The following HECW2 variants were observed in gnomAD, a reference collection of about 807,000 sequenced individuals.
HECW2 encodes E3 ubiquitin-protein ligase HECW2.
In HECW2, 61 loss-of-function variants were observed where a neutral mutation model predicts 175.2. The observed-to-expected ratio is 0.35, with a 90% confidence interval of 0.28 to 0.43. The LOEUF is 0.43. Among genes scored for constraint, HECW2 ranks in the 20% least tolerant of loss-of-function variants. HECW2 has a pLI of 1.00. For synonymous variants in HECW2, 671 were observed against 731.0 expected, an observed-to-expected ratio of 0.92 and a Z score of 1.32; for missense variants, 1,524 against 2,000.5, an observed-to-expected ratio of 0.76 and a Z score of 4.54.
At chr2:196,589,229 T>C (rs912634227) in intron 1 of HECW2, among the ~76,000 whole-genome samples, 1 of 152,148 alleles carries the variant, frequency 6.6e-6, no homozygotes, top group African/African-American at 2.4e-5. Context: ...AATTTCTTCT[T>C]ATTTAGACAT....
At chr2:196,434,443 C>T (rs1277499273) in intron 1 of HECW2, among the ~76,000 whole-genome samples, 1 of 152,156 alleles carries the variant, frequency 6.6e-6, no homozygotes, top group East Asian at 1.9e-4. Context: ...AAGGCCTTCC[C>T]TGTTGGAACT....
intron 1 of HECW2, among the ~76,000 whole-genome samples, chr2:196,570,719 T>G (rs1354494594): frequency 6.6e-6 from 1 of 152,212 alleles, no homozygotes; most frequent in Non-Finnish European, 1.5e-5. Flanking sequence ...TAGAAATAAA[T>G]TATTTGCTCA....
At chr2:196,266,015 A>G (rs1486782823) in intron 17 of HECW2, among the ~76,000 whole-genome samples, 2 of 152,098 alleles carry the variant, frequency 1.3e-5, no homozygotes, top group Admixed American at 1.3e-4. Flanking sequence ...AATGACCATT[A>G]CTATGTGGTG....
At chr2:196,483,337 C>G (rs1686905477) in intron 1 of HECW2, among the ~76,000 whole-genome samples, 1 of 152,122 alleles carries the variant, frequency 6.6e-6, no homozygotes, top group Non-Finnish European at 1.5e-5. Flanking sequence ...TTATACAACT[C>G]CTTGAAGAAT....
intron 2 of HECW2, among the ~76,000 whole-genome samples, chr2:196,431,449 G>A (rs1695710130): frequency 6.6e-6 from 1 of 152,090 alleles, no homozygotes; most frequent in Non-Finnish European, 1.5e-5. Flanking sequence ...ATATGAGAAA[G>A]TAAAACTGAT....
chr2:196,450,847 A>T (rs1191250292), intron 1 of HECW2, among the ~76,000 whole-genome samples: 1 of 152,164 alleles, frequency 6.6e-6, no homozygotes, highest in East Asian at 1.9e-4. Context: ...AGAACTGCTG[A>T]CATAAGAAAT....
intron 1 of HECW2, among the ~76,000 whole-genome samples, chr2:196,535,344 A>G (rs1688986473): frequency 1.3e-5 from 2 of 152,226 alleles, no homozygotes; most frequent in South Asian, 4.1e-4. Flanking sequence ...GCGCCACTTC[A>G]AACATAATGT....
intron 1 of HECW2, among the ~76,000 whole-genome samples, chr2:196,568,600 C>A (rs536798898): frequency 1.2e-3 from 179 of 152,246 alleles, no homozygotes; most frequent in African/African-American, 4.2e-3. Flanking sequence ...GGTGTGAAAG[C>A]AACATGCATT....
intron 28 of HECW2, among the ~76,000 whole-genome samples, chr2:196,208,569 GT>G (rs1489977720): frequency 1.3e-5 from 2 of 152,192 alleles, no homozygotes; most frequent in Non-Finnish European, 2.9e-5. Flanking sequence ...GAAGTAAGGG[GT>G]GAAAGAGTGA....
intron 1 of HECW2, among the ~76,000 whole-genome samples, chr2:196,491,295 G>A (rs1350882498): frequency 6.6e-6 from 1 of 150,986 alleles, no homozygotes; most frequent in Non-Finnish European, 1.5e-5. Flanking sequence ...ATCACTTGAG[G>A]CCAGGAGTTC....
At chr2:196,535,939 G>C (rs1260657754) in intron 1 of HECW2, among the ~76,000 whole-genome samples, 1 of 151,932 alleles carries the variant, frequency 6.6e-6, no homozygotes, top group Non-Finnish European at 1.5e-5. Flanking sequence ...TACCTCCAGG[G>C]GGATCACTAG....
intron 1 of HECW2, among the ~76,000 whole-genome samples, chr2:196,545,668 C>T (rs1022984948): frequency 2.0e-5 from 3 of 152,236 alleles, no homozygotes; most frequent in Non-Finnish European, 4.4e-5. Context: ...CATGCTCTTA[C>T]ATTCAATCCG....
intron 17 of HECW2, among the ~76,000 whole-genome samples, chr2:196,270,344 G>C (rs116817884): frequency 6.6e-6 from 1 of 152,192 alleles, no homozygotes; most frequent in Non-Finnish European, 1.5e-5. Context: ...GCTTGCCAGG[G>C]AAGGGGAACA....
At chr2:196,283,216 C>A (rs1487351597) in intron 14 of HECW2, among the ~76,000 whole-genome samples, 3 of 132,482 alleles carry the variant, frequency 2.3e-5, no homozygotes, top group Admixed American at 1.7e-4. Context: ...CAGCAGAGAT[C>A]ACACCACTGC....
At chr2:196,573,166 T>C (rs1002743848) in intron 1 of HECW2, among the ~76,000 whole-genome samples, 2 of 147,082 alleles carry the variant, frequency 1.4e-5, no homozygotes, top group African/African-American at 5.0e-5. Context: ...TATAATTCAG[T>C]AAGAGGGGAA....
intron 2 of HECW2, among the ~76,000 whole-genome samples, chr2:196,432,465 T>G (rs760979675): frequency 5.3e-5 from 8 of 152,262 alleles, no homozygotes; most frequent in Non-Finnish European, 8.8e-5. Flanking sequence ...GTGGCAGACA[T>G]CGTACTTTTT....
chr2:196,248,097 C>A (rs764051807), intron 19 of HECW2, among the ~76,000 whole-genome samples: 21 of 152,204 alleles, frequency 1.4e-4, no homozygotes, highest in Admixed American at 3.3e-4. Context: ...AAAGCACAAG[C>A]ACTGAAAACC....
At chr2:196,378,338 C>CT (rs752934432) in intron 2 of HECW2, among the ~76,000 whole-genome samples, 79 of 152,242 alleles carry the variant, frequency 5.2e-4, no homozygotes, top group Admixed American at 1.5e-3. Flanking sequence ...AAGAAGCCAC[C>CT]ACAAATGGTT....
chr2:196,379,971 A>C (rs1305209601), intron 2 of HECW2, among the ~76,000 whole-genome samples: 2 of 152,084 alleles, frequency 1.3e-5, no homozygotes, highest in Non-Finnish European at 2.9e-5. Context: ...ATAAATTGTT[A>C]ACTGGATTTT....
Sources: gnomAD v4.1 joint callset for allele counts (sites outside exome capture counted in the v4.1 genomes callset) on GRCh38, gnomAD v4.1.1 for gene constraint, MANE v1.5 for transcripts, NCBI Gene and HGNC (gene_info 2026-07-23, HGNC 2026-07-21) for gene names.